The following ZNF697 variants were observed in gnomAD, a reference collection of about 807,000 sequenced individuals.
The protein encoded by ZNF697 is zinc finger protein 697.
ZNF697 carries 23 observed loss-of-function variants against 32.4 expected under a neutral mutation model. The observed-to-expected ratio is 0.71, with a 90% CI of 0.51 to 1.01. The LOEUF is 1.01. Ranked by LOEUF, ZNF697 falls within the 50% of genes least tolerant of loss-of-function variation. ZNF697 has a pLI of 0.00. For synonymous variants in ZNF697, 418 were observed against 337.2 expected, an observed-to-expected ratio of 1.24 and a Z score of -2.62; for missense variants, 930 against 794.0, an observed-to-expected ratio of 1.17 and a Z score of -2.06.
chr1:119,623,079 A>G lies in ZNF697; in HGVS notation c.1264T>C (p.Ser422Pro). 6.3e-7 allele frequency: 1 copy of G among 1,585,486 alleles called. No homozygotes were observed. Among genetic ancestry groups the G allele is most frequent in the Non-Finnish European group, 8.6e-7 (1 of 1,166,274 alleles). The part of the protein sequence containing the change: ...SECGETFSVS[S>P]HLFTHKRTHS... ...GTGCGCTTGTGCGTGAAGAGGTGCG[A>G]GCTGACGCTGAAGGTCTCGCCGCAC... is the stretch of plus-strand genomic sequence containing the variant. Residue 422 changes from serine to proline, a missense_variant, in exon 3 of 3, where the codon TCG (serine) becomes CCG (proline). Coordinates refer to ENST00000421812, the MANE Select transcript of ZNF697 (RefSeq NM_001080470.2).
At chr1:119,624,229 C>T in intron 2 of ZNF697, 113 bp from the exon 3 acceptor site, 1 of 1,287,950 alleles carries the variant, frequency 7.8e-7, no homozygotes, top group Non-Finnish European at 1.0e-6. Flanking sequence ...CACTCTGGAT[C>T]CCTGCCCCTC....
At chr1:119,642,642 T>C (rs1649108853) in intron 1 of ZNF697, among the ~76,000 whole-genome samples, 1 of 152,214 alleles carries the variant, frequency 6.6e-6, no homozygotes, top group African/African-American at 2.4e-5. Context: ...TAAAAAATTG[T>C]CTGTGCCATC....
Position 119,619,939 on chromosome 1 carries a change from AG to A in ZNF697, c.*2765del, listed in dbSNP as rs2101073016. ...TAATGAGTTGGTGGAAAAAGTCCTCAGATTAACGTTTTCAAGGGTGAACCGC... is the reference window on the plus strand; with the variant it reads ...TAATGAGTTGGTGGAAAAAGTCCTCAATTAACGTTTTCAAGGGTGAACCGC... On this transcript the variant is annotated 3_prime_UTR_variant, in exon 3 of 3. Transcript: ENST00000421812. The A allele has an allele frequency of 6.5e-6, 1 of 152,780 alleles. No homozygotes were observed. Among genetic ancestry groups the A allele is most frequent in the Admixed American group, 6.5e-5 (1 of 15,312 alleles). 9.5% of individuals were successfully genotyped at this position (152,780 alleles called of 1,614,324 possible). A position where few individuals can be genotyped will look rare whatever the true frequency, so the allele number is the denominator to read the frequency against.
chr1:119,624,104 C>T lies in ZNF697; in HGVS notation c.239G>A (p.Ser80Asn). 1.3e-6 allele frequency: 2 copies of T among 1,571,906 alleles called. No individual in the cohort carries two copies. The highest frequency in any genetic ancestry group is 1.8e-5 in the Admixed American group (1 of 55,300). ...VPDICTEGQL[S>N]EEEGVSVRGE... ...ACGGACAGAAACGCCTTCTTCCTCA[C>T]TCAGCTGCCCCTCTGCAACAGAAAA... Residue 80 changes from serine to asparagine, a missense_variant, in exon 3 of 3, where the codon AGT (serine) becomes AAT (asparagine). Transcript: ENST00000421812.
At chr1:119,625,366 A>C (rs1277318387) in intron 2 of ZNF697, among the ~76,000 whole-genome samples, 1 of 152,232 alleles carries the variant, frequency 6.6e-6, no homozygotes, top group African/African-American at 2.4e-5. Context: ...AGTAAGAGTA[A>C]GGCATTTAGC....
rs992440332 is a variant in ZNF697, at chr1:119,629,722, A to G, written c.-37-3585T>C. ...TCAGCCAACTTCTTAAGAAAATTAT[A>G]CACACCCCCATTCTAAATTGGGGGT... On this transcript the variant is annotated intron_variant, in intron 1 of 2. Coordinates refer to ENST00000421812, the MANE Select transcript of ZNF697 (RefSeq NM_001080470.2). 2.6e-5 allele frequency among the ~76,000 whole-genome samples: 4 copies of G among 151,704 alleles called. No individual in the cohort carries two copies. In the East Asian group the frequency reaches 7.7e-4, roughly 29 times the overall value.
In ZNF697 at chr1:119,623,610, C is replaced by T. The variant is rs1210647878; in HGVS notation, c.733G>A (p.Gly245Ser). 5 of 1,436,126 alleles carry T rather than the reference C, an allele frequency of 3.5e-6. No homozygotes were observed. The highest frequency in any genetic ancestry group is 4.5e-6 in the Non-Finnish European group (5 of 1,107,680). The allele number at this position is 1,436,126 out of a possible 1,614,324, so 89.0% of individuals were successfully genotyped here. Residue 245 changes from glycine to serine, a missense_variant, in exon 3 of 3, where the codon GGC (glycine) becomes AGC (serine). By Grantham distance (56) the Gly-to-Ser change is moderately conservative. Coordinates refer to ENST00000421812, the MANE Select transcript of ZNF697 (RefSeq NM_001080470.2). ...VGMMGVGVAG[G>S]FGAGPPLARP... ...GCCAGCGGGGGCCCGGCCCCGAAGC[C>T]CCCCGCCACACCCACCCCCATCATG...
rs1489640505 is a variant in ZNF697, at chr1:119,647,867, C to T, written c.-214G>A. 1.3e-5 allele frequency: 2 copies of T among 152,398 alleles called. No individual in the cohort carries two copies. The highest frequency in any genetic ancestry group is 4.8e-5 in the African/African-American group (2 of 41,472). 9.4% of individuals were successfully genotyped at this position (152,398 alleles called of 1,614,324 possible). A position where few individuals can be genotyped will look rare whatever the true frequency, so the allele number is the denominator to read the frequency against. On this transcript the variant is annotated 5_prime_UTR_variant, in exon 1 of 3. Transcript: ENST00000421812. ...TACCCCTGAGGGAGCTCAGTCCTGG[C>T]TTTGGGGGCGCGAGAGCACCCCATA...
chr1:119,646,616 T>C lies in ZNF697; in HGVS notation c.-38+1075A>G, dbSNP rs113542321. 4.7e-3 allele frequency among the ~76,000 whole-genome samples: 713 copies of C among 152,336 alleles called. 7 individuals are homozygous for C. The highest frequency in any genetic ancestry group is 0.016 in the African/African-American group (647 of 41,588). The stretch of plus-strand genomic sequence containing the variant: ...CATTCTTTCGACCATGAGCCTTGCA[T>C]ACTCCTGCCTGGCCATATAAGTGGC... On this transcript the variant is annotated intron_variant, in intron 1 of 2. Coordinates refer to ENST00000421812, the MANE Select transcript of ZNF697 (RefSeq NM_001080470.2).
chr1:119,624,040 C>G lies in ZNF697; in HGVS notation c.303G>C (p.Ala101=), dbSNP rs376760973. Residue 101 remains alanine, a synonymous_variant, in exon 3 of 3, where the codon GCG becomes GCC. Coordinates refer to ENST00000421812, the MANE Select transcript of ZNF697 (RefSeq NM_001080470.2). The part of the protein sequence containing the change: ...EDDQSGVADM[A]MFPGLSESDS... ...CAGACTCAGACAGTCCTGGGAACAT[C>G]GCCATGTCAGCTACACCGGATTGGT... is the stretch of plus-strand genomic sequence containing the variant. The G allele has an allele frequency of 1.6e-5, 25 of 1,612,386 alleles. No individual in the cohort carries two copies. In the African/African-American group the frequency reaches 2.8e-4, roughly 18 times the overall value.
intron 2 of ZNF697, among the ~76,000 whole-genome samples, chr1:119,624,617 CAG>C (rs1368904247): frequency 5.3e-5 from 8 of 152,188 alleles, no homozygotes; most frequent in Admixed American, 2.0e-4. Context: ...ATTTTTGAGA[CAG>C]AGTCTTGCTC....
At chr1:119,626,212 A>C in intron 1 of ZNF697, 75 bp from the exon 2 acceptor site, 1 of 1,509,512 alleles carries the variant, frequency 6.6e-7, no homozygotes, top group Non-Finnish European at 8.8e-7. Context: ...CTTAATTTCC[A>C]ATTCTAATAA....
chr1:119,632,977 C>T (rs1196541237), intron 1 of ZNF697, among the ~76,000 whole-genome samples: 1 of 152,118 alleles, frequency 6.6e-6, no homozygotes, highest in African/African-American at 2.4e-5. Context: ...CTGTTTTACA[C>T]CCTCAGTTGT....
intron 2 of ZNF697, among the ~76,000 whole-genome samples, 197 bp from the exon 3 acceptor site, chr1:119,624,313 GCC>G (rs1316932606): frequency 6.6e-6 from 1 of 152,100 alleles, no homozygotes; most frequent in Admixed American, 6.5e-5. Context: ...TGCACTCATT[GCC>G]CCCTCTGCCC....
At chr1:119,629,021 A>G (rs993945700) in intron 1 of ZNF697, among the ~76,000 whole-genome samples, 2 of 152,212 alleles carry the variant, frequency 1.3e-5, no homozygotes, top group Non-Finnish European at 1.5e-5. Flanking sequence ...CTTCACAGAT[A>G]GGAAACGGGC....
chr1:119,643,960 T>G (rs1330520171), intron 1 of ZNF697, among the ~76,000 whole-genome samples: 1 of 152,240 alleles, frequency 6.6e-6, no homozygotes, highest in African/African-American at 2.4e-5. Flanking sequence ...ACTATCAACA[T>G]GCAAATAATA....
In ZNF697 at chr1:119,623,392, G is replaced by A. The variant is rs1648429118; in HGVS notation, c.951C>T (p.Tyr317=). 2 of 1,509,720 alleles carry A rather than the reference G, an allele frequency of 1.3e-6. No homozygotes were observed. The highest frequency in any genetic ancestry group is 1.8e-6 in the Non-Finnish European group (2 of 1,130,716). 93.5% of individuals were successfully genotyped at this position (1,509,720 alleles called of 1,614,324 possible). ...AGGCCTCGCCGCACTCGGGGCACGG[G>A]TAGGGCTTCTCGCCCGTGTGCAGGC... ...HRRLHTGEKP[Y]PCPECGEAFS... is the part of the protein sequence containing the mutation. Residue 317 remains tyrosine, a synonymous_variant, in exon 3 of 3, where the codon TAC becomes TAT. Transcript: ENST00000421812.
At chr1:119,636,787 C>A (rs1257173996) in intron 1 of ZNF697, among the ~76,000 whole-genome samples, 2 of 152,186 alleles carry the variant, frequency 1.3e-5, no homozygotes, top group Non-Finnish European at 2.9e-5. Context: ...GCTACTCAAT[C>A]CAACATAACC....
chr1:119,636,251 G>A (rs899716453), intron 1 of ZNF697, among the ~76,000 whole-genome samples: 11 of 152,136 alleles, frequency 7.2e-5, no homozygotes, highest in East Asian at 5.8e-4. Flanking sequence ...TTCAGAATCC[G>A]TGAACTCCCT....
Sources: gnomAD v4.1 joint callset for allele counts (sites outside exome capture counted in the v4.1 genomes callset) on GRCh38, gnomAD v4.1.1 for gene constraint, MANE v1.5 for transcripts, NCBI Gene and HGNC (gene_info 2026-07-23, HGNC 2026-07-21) for gene names.